NXPE2: variants seen among roughly 807,000 people sequenced by gnomAD.
NXPE2 encodes neurexophilin and PC-esterase domain family member 2.
A neutral mutation model predicts 34.4 loss-of-function variants in NXPE2; 34 were observed. The observed-to-expected ratio is 0.99, with a 90% CI of 0.75 to 1.31. NXPE2 has a LOEUF of 1.31. Ranked by LOEUF, NXPE2 falls within the 40% of genes most tolerant of loss-of-function variation. NXPE2 has a pLI of 0.00. For synonymous variants in NXPE2, 235 were observed against 231.3 expected, an observed-to-expected ratio of 1.02 and a Z score of -0.15; for missense variants, 649 against 672.5, an observed-to-expected ratio of 0.97 and a Z score of 0.39.
At chr11:114,528,551 C>T in the NXPE2 span, among the ~76,000 whole-genome samples, 1 of 152,162 alleles carries the variant, frequency 6.6e-6, no homozygotes, top group African/African-American at 2.4e-5. Context: ...TGTGTCTGGT[C>T]CACTGCTGTA....
the NXPE2 span, among the ~76,000 whole-genome samples, chr11:114,565,927 A>T: frequency 2.6e-5 from 4 of 152,186 alleles, no homozygotes; most frequent in African/African-American, 9.7e-5. Context: ...GATTCTCCAC[A>T]TATATTGTAA....
chr11:114,696,018 G>A (rs1044679917), intron 2 of NXPE2, among the ~76,000 whole-genome samples: 23 of 150,112 alleles, frequency 1.5e-4, no homozygotes, highest in Non-Finnish European at 2.4e-4. Flanking sequence ...ACTCCATCTC[G>A]ATTAAGAAAA....
chr11:114,790,975 T>C, the NXPE2 span, among the ~76,000 whole-genome samples: 1 of 151,752 alleles, frequency 6.6e-6, no homozygotes, highest in Non-Finnish European at 1.5e-5. Context: ...TTTTTTCCTC[T>C]TAATCTTTAA....
chr11:114,711,707 T>A (rs1335729698), downstream of NXPE2, among the ~76,000 whole-genome samples: 2 of 152,276 alleles, frequency 1.3e-5, no homozygotes, highest in East Asian at 3.9e-4. Context: ...TCCAGTGCAA[T>A]CTCTGTCAAA....
chr11:114,751,074 CTGAAA>C, the NXPE2 span, among the ~76,000 whole-genome samples: 1 of 152,186 alleles, frequency 6.6e-6, no homozygotes, highest in Non-Finnish European at 1.5e-5. Context: ...TCTATACTAT[CTGAAA>C]TGACCACTCC....
At chr11:114,529,092 G>A in the NXPE2 span, 2 of 339,016 alleles carry the variant, frequency 5.9e-6, no homozygotes, top group Non-Finnish European at 1.1e-5. Context: ...TTTTTTGAAA[G>A]CTTATGGAAA....
chr11:114,783,104 T>C, the NXPE2 span, among the ~76,000 whole-genome samples: 1 of 152,342 alleles, frequency 6.6e-6, no homozygotes, highest in South Asian at 2.1e-4. Flanking sequence ...AAAACGACAA[T>C]GGGCTTTTCC....
the NXPE2 span, among the ~76,000 whole-genome samples, chr11:114,642,671 C>T: frequency 6.6e-6 from 1 of 152,074 alleles, no homozygotes; most frequent in African/African-American, 2.4e-5. Context: ...TATTGATGGA[C>T]ATTTGGGTTG....
At chr11:114,543,320 T>A in the NXPE2 span, among the ~76,000 whole-genome samples, 5 of 151,522 alleles carry the variant, frequency 3.3e-5, no homozygotes, top group South Asian at 4.2e-4. Context: ...TGCACCATTG[T>A]ATTCCATGCA....
the NXPE2 span, among the ~76,000 whole-genome samples, chr11:114,732,396 G>GT: frequency 1.3e-5 from 2 of 152,262 alleles, no homozygotes; most frequent in African/African-American, 4.8e-5. Context: ...CTGCATTTCT[G>GT]TTCAACTTCT....
chr11:114,472,123 TAC>T, the NXPE2 span, among the ~76,000 whole-genome samples: 1 of 152,210 alleles, frequency 6.6e-6, no homozygotes, highest in Non-Finnish European at 1.5e-5. Flanking sequence ...CTCTAGCATA[TAC>T]AGAGTCTGTG....
Position 114,706,746 on chromosome 11 carries a change from C to T in NXPE2, c.1496C>T (p.Ala499Val). The change falls in exon 6 of 6, where the codon GCA (alanine) becomes GTA (valine). Residue 499 changes from alanine (A) to valine (V), a missense_variant. Ala to Val is a moderately conservative substitution (Grantham distance 64, BLOSUM62 0). Coordinates refer to ENST00000389586, the MANE Select transcript of NXPE2 (RefSeq NM_182495.6). The stretch of plus-strand genomic sequence containing the variant: ...AACACCAGAGAGATAGAACAAAATG[C>T]AGAGATGTTCAGTGACTTTCATGGC... ...TENTREIEQN[A>V]EMFSDFHGYI... 1 of 1,552,282 alleles carries T rather than the reference C, an allele frequency of 6.4e-7. No individual in the cohort carries two copies. Among genetic ancestry groups the T allele is most frequent in the East Asian group, 2.4e-5 (1 of 41,054 alleles).
At chr11:114,715,532 A>C in the NXPE2 span, among the ~76,000 whole-genome samples, 1 of 152,212 alleles carries the variant, frequency 6.6e-6, no homozygotes, top group Non-Finnish European at 1.5e-5. Context: ...AAACCAATAA[A>C]TTGTAAAGAA....
At chr11:114,715,231 G>T in the NXPE2 span, among the ~76,000 whole-genome samples, 1 of 152,190 alleles carries the variant, frequency 6.6e-6, no homozygotes, top group South Asian at 2.1e-4. Flanking sequence ...ACTACTTAAA[G>T]TTTCATCAAA....
At chr11:114,640,622 GTTT>G in the NXPE2 span, among the ~76,000 whole-genome samples, 1 of 151,830 alleles carries the variant, frequency 6.6e-6, no homozygotes, top group African/African-American at 2.4e-5. Context: ...ACATCTGTTG[GTTT>G]TTTACTTTTT....
chr11:114,686,632 C>G (rs1424114383), intron 2 of NXPE2, among the ~76,000 whole-genome samples: 2 of 152,138 alleles, frequency 1.3e-5, no homozygotes, highest in East Asian at 3.9e-4. Context: ...GGGTATATAC[C>G]CAGTAATGGG....
intron 4 of NXPE2, 32 bp from the exon 5 acceptor site, chr11:114,705,749 A>T: frequency 7.5e-7 from 1 of 1,335,012 alleles, no homozygotes; most frequent in Non-Finnish European, 9.9e-7. Flanking sequence ...GTGGTAATAA[A>T]AATTACTTAA....
the NXPE2 span, among the ~76,000 whole-genome samples, chr11:114,601,963 T>G: frequency 0.18 from 14,479 of 81,002 alleles, 1,528 homozygotes; most frequent in Non-Finnish European, 0.22. Context: ...TAATATTATA[T>G]ATTATATATT....
the NXPE2 span, among the ~76,000 whole-genome samples, chr11:114,657,678 A>C: frequency 6.6e-6 from 1 of 152,172 alleles, no homozygotes; most frequent in Non-Finnish European, 1.5e-5. Context: ...ATTTGAATTC[A>C]TGCATTTAAA....
Sources: gnomAD v4.1 joint callset for allele counts (sites outside exome capture counted in the v4.1 genomes callset) on GRCh38, gnomAD v4.1.1 for gene constraint, MANE v1.5 for transcripts, NCBI Gene and HGNC (gene_info 2026-07-23, HGNC 2026-07-21) for gene names.